The following PCDHA9 variants were observed in gnomAD, a reference collection of about 807,000 sequenced individuals.
PCDHA9 encodes the protein protocadherin alpha-9.
A neutral mutation model predicts 62.0 loss-of-function variants in PCDHA9; 62 were observed. That is an observed-to-expected ratio of 1.00 (90% CI 0.81 to 1.23). PCDHA9 has a LOEUF of 1.23. Ranked by LOEUF, PCDHA9 falls within the 50% of genes most tolerant of loss-of-function variation. The probability of loss-of-function intolerance (pLI) is 0.00; values close to 1 mark genes in which losing one functional copy is unlikely to be tolerated. For missense variants in PCDHA9, 1,205 were observed against 1,249.8 expected, an observed-to-expected ratio of 0.96 and a Z score of 0.54; for synonymous variants, 557 against 567.6, an observed-to-expected ratio of 0.98 and a Z score of 0.27.
rs782248969 is a variant in PCDHA9 at position 140,927,466 on chromosome 5, G to A, written c.2395-51483G>A. 67 of 1,614,044 alleles carry A rather than the reference G, an allele frequency of 4.2e-5. No homozygotes were observed. Among genetic ancestry groups the A allele is most frequent in the Non-Finnish European group, 5.4e-5 (64 of 1,180,052 alleles). Reference sequence around the variant, plus strand: ...GGAGTTGGTGTTGGAGAAAGCACTGGATCGCGAACAGCGCGCCACCCACCT... The same window carrying A: ...GGAGTTGGTGTTGGAGAAAGCACTGAATCGCGAACAGCGCGCCACCCACCT... On this transcript the variant is annotated intron_variant, in intron 1 of 3. Coordinates refer to ENST00000532602, the MANE Select transcript of PCDHA9 (RefSeq NM_031857.2).
In PCDHA9 at chr5:140,937,571, C is replaced by T. The variant is rs188926211; in HGVS notation, c.2395-41378C>T. 1.3e-4 allele frequency among the ~76,000 whole-genome samples: 20 copies of T among 151,578 alleles called. No homozygotes were observed. The East Asian group carries it at 2.7e-3, about 21-fold the overall frequency. On this transcript the variant is annotated intron_variant, in intron 1 of 3. Coordinates refer to ENST00000532602, the MANE Select transcript of PCDHA9 (RefSeq NM_031857.2). Reference sequence around the variant, plus strand: ...GGCAGAGGTTGCAGTGAGCTGGGATCGCGTCACTGCACTCTAGCCTGGGCA... The same window carrying T: ...GGCAGAGGTTGCAGTGAGCTGGGATTGCGTCACTGCACTCTAGCCTGGGCA...
At position 141,010,458 on chromosome 5, in the gene PCDHA9, T is replaced by C. The variant is rs2098417373; in HGVS notation, c.*521T>C. The C allele has an allele frequency of 1.1e-6, 1 of 871,194 alleles. No individual in the cohort carries two copies. The highest frequency in any genetic ancestry group is 1.7e-6 in the Non-Finnish European group (1 of 592,130). 54.0% of individuals were successfully genotyped at this position (871,194 alleles called of 1,614,324 possible). On this transcript the variant is annotated 3_prime_UTR_variant, in exon 4 of 4. Coordinates refer to ENST00000532602, the MANE Select transcript of PCDHA9 (RefSeq NM_031857.2). ...AAAGACAAATAAACAGCGGAAGTTA[T>C]CAGTATGGAGGGGAAGTGTAAACTT...
chr5:140,861,121 A>G (rs556416106), intron 1 of PCDHA9: 3 of 153,482 alleles, frequency 2.0e-5, no homozygotes, highest in African/African-American at 7.2e-5. Flanking sequence ...ACAAACACCC[A>G]TTAAGACCAC....
At chr5:141,002,567 C>T (rs2098086110) in intron 3 of PCDHA9, among the ~76,000 whole-genome samples, 1 of 152,210 alleles carries the variant, frequency 6.6e-6, no homozygotes, top group Admixed American at 6.5e-5. Context: ...CAGTTAGTGA[C>T]CATGTGACCA....
chr5:140,963,766 A>G (rs574963836), intron 1 of PCDHA9, among the ~76,000 whole-genome samples: 1 of 152,372 alleles, frequency 6.6e-6, no homozygotes, highest in South Asian at 2.1e-4. Flanking sequence ...GTTGTATTTC[A>G]TGACGACAGC....
At chr5:140,891,454 A>C (rs1562858065) in intron 1 of PCDHA9, among the ~76,000 whole-genome samples, 1 of 145,650 alleles carries the variant, frequency 6.9e-6, no homozygotes, top group East Asian at 2.1e-4. Context: ...AGGATTTTTG[A>C]ATTTGTGAAT....
At chr5:140,916,327 A>G (rs1218792272) in intron 1 of PCDHA9, among the ~76,000 whole-genome samples, 5 of 152,226 alleles carry the variant, frequency 3.3e-5, no homozygotes, top group African/African-American at 1.2e-4. Context: ...AGTCCCCTTT[A>G]CTTTTTCCTC....
At chr5:140,977,094 T>C (rs1291290436) in intron 1 of PCDHA9, among the ~76,000 whole-genome samples, 1 of 152,206 alleles carries the variant, frequency 6.6e-6, no homozygotes, top group Non-Finnish European at 1.5e-5. Context: ...AATGTGTCAT[T>C]GGGGAAGTGA....
chr5:140,857,458 C>A (rs782648266), intron 1 of PCDHA9: 1 of 1,598,670 alleles, frequency 6.3e-7, no homozygotes, highest in South Asian at 1.1e-5. Flanking sequence ...ACCCGCCAGG[C>A]TGCCACATCT....
chr5:140,943,131 G>T (rs1360196674), intron 1 of PCDHA9, among the ~76,000 whole-genome samples: 1 of 151,626 alleles, frequency 6.6e-6, no homozygotes, highest in Non-Finnish European at 1.5e-5. Flanking sequence ...GGTAGTGGGT[G>T]CCTGTAGTCC....
intron 1 of PCDHA9, chr5:140,869,887 C>A: frequency 1.9e-6 from 3 of 1,610,174 alleles, no homozygotes; most frequent in Non-Finnish European, 2.5e-6. Context: ...AACTCTTGTG[C>A]TCAAACTAAA....
At chr5:140,926,911 G>A (rs1248832475) in intron 1 of PCDHA9, 4 of 1,561,318 alleles carry the variant, frequency 2.6e-6, no homozygotes, top group Non-Finnish European at 3.5e-6. Flanking sequence ...CTGTGGGGTG[G>A]CAGTTTTATG....
chr5:140,881,369 T>C (rs2058687376), intron 1 of PCDHA9: 2 of 985,186 alleles, frequency 2.0e-6, no homozygotes, highest in Non-Finnish European at 2.4e-6. Flanking sequence ...TTCGTATGAA[T>C]TGCAGCCGGC....
chr5:140,850,644 C>G lies in PCDHA9; in HGVS notation c.2149C>G (p.Leu717Val). The G allele has an allele frequency of 6.3e-7, 1 of 1,598,664 alleles. No homozygotes were observed. The highest frequency in any genetic ancestry group is 8.6e-7 in the Non-Finnish European group (1 of 1,167,908). ...VSSLLVLTLL[L>V]YTVLRCSAMP... ...TAGCCTGTTGGTTCTCACGCTGCTG[C>G]TGTACACTGTGCTGCGGTGCTCGGC... Residue 717 changes from leucine (L) to valine (V), a missense_variant, in exon 1 of 4, where the codon CTG (leucine) becomes GTG (valine). Leu to Val is a conservative substitution (Grantham distance 32). Transcript: ENST00000532602.
rs782346022 is a variant in PCDHA9 at position 140,877,702 on chromosome 5, G to A, written c.2394+26813G>A. On this transcript the variant is annotated intron_variant, in intron 1 of 3. Coordinates refer to ENST00000532602, the MANE Select transcript of PCDHA9 (RefSeq NM_031857.2). Reference sequence around the variant, plus strand: ...CAAGCCCACGCTGGTGTGCTCCAGCGCCGTGGGGAGTTGGTCTTACTCGCA... The same window carrying A: ...CAAGCCCACGCTGGTGTGCTCCAGCACCGTGGGGAGTTGGTCTTACTCGCA... 52 of 1,613,876 alleles carry A rather than the reference G, an allele frequency of 3.2e-5. No homozygotes were observed. In the Admixed American group the frequency reaches 8.7e-4, roughly 27 times the overall value.
intron 1 of PCDHA9, chr5:140,929,256 A>T (rs572411725): frequency 1.9e-6 from 3 of 1,613,220 alleles, no homozygotes; most frequent in Non-Finnish European, 2.5e-6. Context: ...CTGGGGTAGG[A>T]CTGAATTTGC....
In PCDHA9 at chr5:140,859,591, T is replaced by C. The variant is rs540429741; in HGVS notation, c.2394+8702T>C. On this transcript the variant is annotated intron_variant, in intron 1 of 3. Transcript: ENST00000532602. Reference sequence around the variant, plus strand: ...AATTTGTCATCTTGCCTATGGCTCTTAGCAATTACTTTTTTCTTTCCTTTC... The same window carrying C: ...AATTTGTCATCTTGCCTATGGCTCTCAGCAATTACTTTTTTCTTTCCTTTC... 5 of 165,482 alleles carry C rather than the reference T, an allele frequency of 3.0e-5. No homozygotes were observed. The East Asian group carries it at 9.4e-4, about 31-fold the overall frequency. 10.3% of individuals were successfully genotyped at this position (165,482 alleles called of 1,614,324 possible). A position where few individuals can be genotyped will look rare whatever the true frequency, so the allele number is the denominator to read the frequency against.
At chr5:140,990,011 G>T (rs1246081885) in intron 3 of PCDHA9, among the ~76,000 whole-genome samples, 1 of 152,074 alleles carries the variant, frequency 6.6e-6, no homozygotes, top group Non-Finnish European at 1.5e-5. Context: ...CAAGGGCGTG[G>T]GCTAGGCAAA....
At chr5:140,914,670 C>T (rs554633450) in intron 1 of PCDHA9, among the ~76,000 whole-genome samples, 85 of 152,088 alleles carry the variant, frequency 5.6e-4, no homozygotes, top group African/African-American at 2.0e-3. Context: ...TCTTCTTTTT[C>T]ATGAAAATAA....
Sources: gnomAD v4.1 joint callset for allele counts (sites outside exome capture counted in the v4.1 genomes callset) on GRCh38, gnomAD v4.1.1 for gene constraint, MANE v1.5 for transcripts, NCBI Gene and HGNC (gene_info 2026-07-23, HGNC 2026-07-21) for gene names.